Variants in VPS39 observed in about 807,000 individuals in gnomAD.
The protein encoded by VPS39 is vam6/Vps39-like protein.
A neutral mutation model predicts 121.0 loss-of-function variants in VPS39; 70 were observed. The observed-to-expected ratio is 0.58, with a 90% CI of 0.48 to 0.71. The LOEUF (loss-of-function observed/expected upper bound fraction) is 0.71. Ranked by LOEUF, VPS39 falls within the 30% of genes least tolerant of loss-of-function variation. The probability of loss-of-function intolerance (pLI) is 0.00; values close to 1 mark genes in which losing one functional copy is unlikely to be tolerated. For missense variants in VPS39, 818 were observed against 1,051.5 expected, an observed-to-expected ratio of 0.78 and a Z score of 3.07; for synonymous variants, 378 against 398.1, an observed-to-expected ratio of 0.95 and a Z score of 0.60.
At chr15:42,183,362 A>G (rs2049628260) in intron 8 of VPS39, among the ~76,000 whole-genome samples, 1 of 151,746 alleles carries the variant, frequency 6.6e-6, no homozygotes, top group Non-Finnish European at 1.5e-5. Flanking sequence ...TCAGCCTCCC[A>G]AAGTGCTAGG....
chr15:42,178,726 A>G, intron 8 of VPS39, 156 bp from the exon 9 acceptor site: 1 of 1,134,710 alleles, frequency 8.8e-7, no homozygotes, highest in South Asian at 1.9e-5. Context: ...TCAGAAAGAA[A>G]GAAAAAAAAA....
chr15:42,164,749 C>T, intron 18 of VPS39: 1 of 1,426,322 alleles, frequency 7.0e-7, no homozygotes, highest in Non-Finnish European at 9.1e-7. Context: ...ATCTTGCAGA[C>T]AGGTCTGTTC....
intron 2 of VPS39, among the ~76,000 whole-genome samples, chr15:42,194,968 T>C (rs1401375737): frequency 6.6e-6 from 1 of 152,070 alleles, no homozygotes; most frequent in African/African-American, 2.4e-5. Context: ...CGAAATGTTT[T>C]AGTGTTTCTG....
rs1290124778 is a variant in VPS39 at position 42,164,633 on chromosome 15, G to C, written c.1898-147C>G. On this transcript the variant is annotated intron_variant, in intron 18 of 24. Coordinates refer to ENST00000318006, the MANE Select transcript of VPS39 (RefSeq NM_015289.5). ...GTGGCTTCCATGCTAACTTCTTTTA[G>C]TTCATAGTCTCCATGTGGCCCCAAA... is the stretch of plus-strand genomic sequence containing the variant. 4.2e-6 allele frequency: 6 copies of C among 1,443,120 alleles called. No homozygotes were observed. In the African/African-American group the frequency reaches 7.2e-5, roughly 17 times the overall value. The allele number at this position is 1,443,120 out of a possible 1,614,324, so 89.4% of individuals were successfully genotyped here.
At chr15:42,163,770 G>A (rs370597700) in intron 19 of VPS39, 42 bp from the exon 20 acceptor site, 16 of 1,456,076 alleles carry the variant, frequency 1.1e-5, no homozygotes, top group South Asian at 6.1e-5. Flanking sequence ...CCGCCATCAC[G>A]CAAGCACAAG....
chr15:42,187,338 G>A lies in VPS39; in HGVS notation c.467C>T (p.Pro156Leu), dbSNP rs1157943678. ...LQGDFSVPDV[P>L]KSMAWCENSI... ...ATTTTCACACCACGCCATGGACTTG[G>A]GCACATCTGGCACACTAAAGTCCCC... Residue 156 changes from proline to leucine, a missense_variant, in exon 7 of 25, where the codon CCC becomes CTC. By Grantham distance (98) the Pro-to-Leu change is moderately conservative (BLOSUM62 -3). Coordinates refer to ENST00000318006, the MANE Select transcript of VPS39 (RefSeq NM_015289.5). 1.9e-6 allele frequency: 3 copies of A among 1,612,130 alleles called. No individual in the cohort carries two copies. Among genetic ancestry groups the A allele is most frequent in the East Asian group, 4.5e-5 (2 of 44,860 alleles).
At chr15:42,187,429 T>C in intron 6 of VPS39, 66 bp from the exon 7 acceptor site, 1 of 1,440,316 alleles carries the variant, frequency 6.9e-7, no homozygotes, top group Non-Finnish European at 9.4e-7. Context: ...ACTTTCCTGT[T>C]ATTCTGCAAC....
intron 17 of VPS39, 75 bp downstream of exon 17, chr15:42,165,643 C>G: frequency 8.4e-7 from 1 of 1,189,796 alleles, no homozygotes. Flanking sequence ...CAAATCTGAA[C>G]AGCCCGATAA....
chr15:42,163,991 C>G (rs983396255), intron 19 of VPS39, among the ~76,000 whole-genome samples: 1 of 152,190 alleles, frequency 6.6e-6, no homozygotes, highest in African/African-American at 2.4e-5. Context: ...TACTTAACAA[C>G]CACCTACAAC....
intron 1 of VPS39, among the ~76,000 whole-genome samples, chr15:42,205,193 A>G (rs637445): frequency 0.066 from 9,992 of 152,212 alleles, 861 homozygotes; most frequent in African/African-American, 0.18. Context: ...GCAATGCAGA[A>G]AACAAAGATA....
At chr15:42,187,450 C>T in intron 6 of VPS39, 87 bp from the exon 7 acceptor site, 2 of 1,208,976 alleles carry the variant, frequency 1.7e-6, no homozygotes, top group Non-Finnish European at 1.2e-6. Flanking sequence ...CTCCATTCTG[C>T]AAAACAACCC....
intron 8 of VPS39, among the ~76,000 whole-genome samples, chr15:42,179,544 C>A (rs1007946216): frequency 6.7e-6 from 1 of 148,892 alleles, no homozygotes; most frequent in Non-Finnish European, 1.5e-5. Context: ...CCACTGCACT[C>A]CAGCCTGGGC....
chr15:42,161,662 C>G lies in VPS39; in HGVS notation c.2552+20G>C. Reference sequence around the variant, plus strand: ...ACCTCCACAAAGCCCAGATGCCACACAGGTGTGAAGGAGGCTCACCTGTTC... The same window carrying G: ...ACCTCCACAAAGCCCAGATGCCACAGAGGTGTGAAGGAGGCTCACCTGTTC... On this transcript the variant is annotated intron_variant, in intron 24 of 24. Transcript: ENST00000318006. The G allele has an allele frequency of 1.2e-6, 2 of 1,613,438 alleles. No individual in the cohort carries two copies. Among genetic ancestry groups the G allele is most frequent in the Non-Finnish European group, 1.7e-6 (2 of 1,179,310 alleles).
chr15:42,173,702 A>G (rs764261270), intron 11 of VPS39, 21 bp downstream of exon 11: 1 of 1,611,692 alleles, frequency 6.2e-7, no homozygotes. Flanking sequence ...TCCCTTATAT[A>G]AAGGCCTCAC....
At chr15:42,166,525 A>G in intron 15 of VPS39, 38 bp downstream of exon 15, 1 of 1,605,752 alleles carries the variant, frequency 6.2e-7, no homozygotes, top group African/African-American at 1.3e-5. Context: ...TCATTTGAAC[A>G]GGAGCGCTTT....
chr15:42,183,189 C>T (rs1487483242), intron 8 of VPS39, among the ~76,000 whole-genome samples: 1 of 151,880 alleles, frequency 6.6e-6, no homozygotes, highest in Non-Finnish European at 1.5e-5. Flanking sequence ...CAACTTCCCC[C>T]TCCCTTCAAG....
At chr15:42,193,629 A>C (rs2049875315) in intron 2 of VPS39, among the ~76,000 whole-genome samples, 1 of 152,214 alleles carries the variant, frequency 6.6e-6, no homozygotes, top group Admixed American at 6.5e-5. Context: ...AGATTTTCCA[A>C]TCCAGACCTA....
intron 10 of VPS39, among the ~76,000 whole-genome samples, chr15:42,176,843 C>T (rs984445110): frequency 1.3e-5 from 2 of 152,090 alleles, no homozygotes; most frequent in Non-Finnish European, 2.9e-5. Context: ...TTACTATTAT[C>T]TTCATAAACA....
intron 10 of VPS39, among the ~76,000 whole-genome samples, chr15:42,177,753 A>G (rs1460035616): frequency 3.3e-5 from 5 of 151,382 alleles, no homozygotes; most frequent in African/African-American, 1.2e-4. Flanking sequence ...CGCAACCTCT[A>G]CCTCCTGGGT....
Sources: gnomAD v4.1 joint callset for allele counts (sites outside exome capture counted in the v4.1 genomes callset) on GRCh38, gnomAD v4.1.1 for gene constraint, MANE v1.5 for transcripts, NCBI Gene and HGNC (gene_info 2026-07-23, HGNC 2026-07-21) for gene names.